The following COX7B2 variants were observed in gnomAD, a reference collection of about 807,000 sequenced individuals.
COX7B2 encodes the protein cytochrome c oxidase subunit 7B2, also known as cytochrome c oxidase subunit 7B2, mitochondrial.
For synonymous variants in COX7B2, 37 were observed against 32.1 expected (o/e 1.15, Z -0.51); for missense variants, 109 against 95.9 (o/e 1.14, Z -0.57).
intron 2 of COX7B2, among the ~76,000 whole-genome samples, chr4:46,814,099 A>T (rs1262882989): frequency 1.3e-5 from 2 of 152,200 alleles, no homozygotes; most frequent in African/African-American, 4.8e-5. Flanking sequence ...TATGGAAAAT[A>T]GCATGGAGGT....
At chr4:46,753,090 T>G (rs1322597887) in intron 2 of COX7B2, among the ~76,000 whole-genome samples, 5 of 152,166 alleles carry the variant, frequency 3.3e-5, no homozygotes, top group African/African-American at 1.2e-4. Context: ...TGCCTCAATT[T>G]CAGAGCCTGT....
At chr4:46,889,769 A>G (rs1719314109) in intron 1 of COX7B2, among the ~76,000 whole-genome samples, 4 of 152,128 alleles carry the variant, frequency 2.6e-5, no homozygotes, top group Admixed American at 2.6e-4. Flanking sequence ...GTGCTCAGTA[A>G]ATATTCTTGG....
chr4:46,784,405 T>A (rs1337877730), intron 2 of COX7B2, among the ~76,000 whole-genome samples: 1 of 152,186 alleles, frequency 6.6e-6, no homozygotes, highest in East Asian at 1.9e-4. Context: ...GGCAGACAGA[T>A]CATGAGGTCA....
chr4:46,839,833 A>G lies in COX7B2; in HGVS notation c.-50+5127T>C, dbSNP rs149140618. Among the ~76,000 whole-genome samples, 36 of 152,232 alleles carry G rather than the reference A, an allele frequency of 2.4e-4. 1 individual carries two copies. Among genetic ancestry groups the G allele is most frequent in the African/African-American group, 7.7e-4 (32 of 41,564 alleles). Reference sequence around the variant, plus strand: ...ATACTTATATCTTAGTGTCTAAGGTAGTACATGGTAATGGTGGGTCTTAAT... The same window carrying G: ...ATACTTATATCTTAGTGTCTAAGGTGGTACATGGTAATGGTGGGTCTTAAT... On this transcript the variant is annotated intron_variant, in intron 2 of 2. Transcript: ENST00000355591.
At chr4:46,760,212 T>C (rs1012205084) in intron 2 of COX7B2, among the ~76,000 whole-genome samples, 1 of 152,192 alleles carries the variant, frequency 6.6e-6, no homozygotes, top group Non-Finnish European at 1.5e-5. Context: ...AGTGGATATA[T>C]ACCCAAAGGA....
intron 2 of COX7B2, among the ~76,000 whole-genome samples, chr4:46,804,791 G>GAAA (rs1718901294): frequency 6.6e-6 from 1 of 152,248 alleles, no homozygotes; most frequent in Admixed American, 6.5e-5. Context: ...TACCGGGGCC[G>GAAA]CAGGTGGAGC....
intron 2 of COX7B2, among the ~76,000 whole-genome samples, chr4:46,756,544 A>G (rs1325282091): frequency 1.3e-5 from 2 of 152,072 alleles, no homozygotes; most frequent in African/African-American, 2.4e-5. Flanking sequence ...TTTGCAAACT[A>G]TGCACCTGAC....
chr4:46,856,486 A>T (rs185720248), intron 1 of COX7B2, among the ~76,000 whole-genome samples: 1 of 152,266 alleles, frequency 6.6e-6, no homozygotes, highest in East Asian at 1.9e-4. Context: ...TTGTCATGGA[A>T]TTCATAAGTT....
chr4:46,851,782 C>T (rs1039415327), intron 1 of COX7B2, among the ~76,000 whole-genome samples: 1 of 152,034 alleles, frequency 6.6e-6, no homozygotes, highest in Non-Finnish European at 1.5e-5. Context: ...TATCAAATTA[C>T]AATGACGTTA....
chr4:46,839,825 T>A (rs1412625628), intron 2 of COX7B2, among the ~76,000 whole-genome samples: 1 of 152,082 alleles, frequency 6.6e-6, no homozygotes, highest in Non-Finnish European at 1.5e-5. Flanking sequence ...TATCTTAGTG[T>A]CTAAGGTAGT....
chr4:46,774,497 C>T lies in COX7B2; in HGVS notation c.-49-39256G>A, dbSNP rs189771418. Among the ~76,000 whole-genome samples, 201 of 151,992 alleles carry T rather than the reference C, an allele frequency of 1.3e-3. 1 individual carries two copies. The highest frequency in any genetic ancestry group is 4.3e-3 in the African/African-American group (177 of 41,458). On this transcript the variant is annotated intron_variant, in intron 2 of 2. Coordinates refer to ENST00000355591, the MANE Select transcript of COX7B2 (RefSeq NM_130902.3). ...ATTATATTGGCATCAATGTAGGGGA[C>T]GTGACTTTAAAGGGAAAGTGATATC...
intron 2 of COX7B2, among the ~76,000 whole-genome samples, chr4:46,832,616 A>G (rs752199004): frequency 2.0e-5 from 3 of 152,090 alleles, no homozygotes; most frequent in African/African-American, 4.8e-5. Flanking sequence ...GTGATTCCCA[A>G]TGTTGGAGGT....
intron 1 of COX7B2, among the ~76,000 whole-genome samples, chr4:46,856,429 G>A (rs940682997): frequency 6.6e-6 from 1 of 151,998 alleles, no homozygotes; most frequent in African/African-American, 2.4e-5. Context: ...AGAGGACTGG[G>A]GCATTAACTT....
chr4:46,815,246 C>A (rs1250732607), intron 2 of COX7B2, among the ~76,000 whole-genome samples: 1 of 151,592 alleles, frequency 6.6e-6, no homozygotes, highest in Non-Finnish European at 1.5e-5. Context: ...AAGTAATAAT[C>A]ATCTCCAACT....
Position 46,749,631 on chromosome 4 carries a change from T to C in COX7B2, c.-49-14390A>G, listed in dbSNP as rs140283612. 8.5e-5 allele frequency among the ~76,000 whole-genome samples: 13 copies of C among 152,340 alleles called. No individual in the cohort carries two copies. The East Asian group carries it at 2.5e-3, about 29-fold the overall frequency. On this transcript the variant is annotated intron_variant, in intron 2 of 2. Transcript: ENST00000355591. ...GTACACTAATCAGAAATCCATACTC[T>C]AGGAATGGCTACAAGATGTACCTGT...
intron 1 of COX7B2, among the ~76,000 whole-genome samples, chr4:46,890,908 C>T (rs1037718655): frequency 1.3e-5 from 2 of 152,140 alleles, no homozygotes; most frequent in Non-Finnish European, 2.9e-5. Context: ...ATGGATCTTT[C>T]TGGTCATGTG....
intron 1 of COX7B2, among the ~76,000 whole-genome samples, chr4:46,867,438 C>A (rs1717733333): frequency 6.6e-6 from 1 of 152,206 alleles, no homozygotes; most frequent in South Asian, 2.1e-4. Context: ...GCCTTTGATG[C>A]TTATCAGCAT....
chr4:46,771,492 C>G (rs906872236), intron 2 of COX7B2, among the ~76,000 whole-genome samples: 1 of 152,016 alleles, frequency 6.6e-6, no homozygotes, highest in African/African-American at 2.4e-5. Context: ...GAAATCGGTA[C>G]AGGTTGACTA....
intron 2 of COX7B2, among the ~76,000 whole-genome samples, chr4:46,791,582 A>G (rs1348494129): frequency 1.3e-5 from 2 of 152,198 alleles, no homozygotes; most frequent in African/African-American, 4.8e-5. Context: ...AGGAACCTCC[A>G]AAATTCTAAA....
Sources: gnomAD v4.1 joint callset for allele counts (sites outside exome capture counted in the v4.1 genomes callset) on GRCh38, gnomAD v4.1.1 for gene constraint, MANE v1.5 for transcripts, NCBI Gene and HGNC (gene_info 2026-07-23, HGNC 2026-07-21) for gene names.